The following VWC2L variants were observed in gnomAD, a reference collection of about 807,000 sequenced individuals.
The protein encoded by VWC2L is von Willebrand factor C domain containing 2 like, also known as von Willebrand factor C domain-containing protein 2-like.
In VWC2L, 10 loss-of-function variants were observed where a neutral mutation model predicts 21.6. The ratio of observed to expected loss-of-function variants is 0.46; its 90% confidence interval spans 0.29 to 0.78. The LOEUF (loss-of-function observed/expected upper bound fraction) is 0.78, where lower values mean the gene tolerates loss of function less well. VWC2L is among the 30% of genes least tolerant of loss of function. The pLI, the probability that VWC2L is intolerant of heterozygous loss-of-function variation, is 0.10. For missense variants in VWC2L, 209 were observed against 277.1 expected (o/e 0.75, Z 1.74); for synonymous variants, 96 against 94.3 (o/e 1.02, Z -0.10).
At position 214,520,942 on chromosome 2, in the gene VWC2L, G is replaced by T. The variant is rs11682493; in HGVS notation, c.521-54730G>T. ...GATTATTCAAAAGCTACCAAGTTTG[G>T]ACTGGGTGCAGTGGCTCACACCTGT... On this transcript the variant is annotated intron_variant, in intron 3 of 3. Transcript: ENST00000312504. Among the ~76,000 whole-genome samples the T allele has an allele frequency of 7.5e-3, 1,144 of 151,986 alleles. 9 individuals are homozygous for T. Among genetic ancestry groups the T allele is most frequent in the Non-Finnish European group, 0.011 (738 of 67,996 alleles).
At chr2:214,458,252 T>A (rs546045789) in intron 3 of VWC2L, among the ~76,000 whole-genome samples, 1 of 152,232 alleles carries the variant, frequency 6.6e-6, no homozygotes, top group South Asian at 2.1e-4. Context: ...TTGGTCATCT[T>A]TTTTATTTCT....
chr2:214,490,704 C>A (rs1688734012), intron 3 of VWC2L, among the ~76,000 whole-genome samples: 1 of 151,952 alleles, frequency 6.6e-6, no homozygotes, highest in Non-Finnish European at 1.5e-5. Flanking sequence ...AGTAAACCTG[C>A]AAATAAGTTT....
At chr2:214,506,565 CAT>C (rs1451759872) in intron 3 of VWC2L, among the ~76,000 whole-genome samples, 21 of 152,262 alleles carry the variant, frequency 1.4e-4, no homozygotes, top group Middle Eastern at 6.8e-3. Context: ...GAAATCATCA[CAT>C]GTTTTGACTC....
At chr2:214,531,403 CCTT>C (rs1266569772) in intron 3 of VWC2L, among the ~76,000 whole-genome samples, 2 of 152,138 alleles carry the variant, frequency 1.3e-5, no homozygotes, top group Non-Finnish European at 2.9e-5. Context: ...GTACAGGAGT[CCTT>C]CTTCCAAATG....
rs1255144552 is a variant in VWC2L, at chr2:214,576,812, G to A, written c.*992G>A. Reference sequence around the variant, plus strand: ...TACACACTGGCAGTTTTTGTGGTTCGGGACTGTGTTTGCCATGTTGTAGTA... The same window carrying A: ...TACACACTGGCAGTTTTTGTGGTTCAGGACTGTGTTTGCCATGTTGTAGTA... On this transcript the variant is annotated 3_prime_UTR_variant, in exon 4 of 4. Coordinates refer to ENST00000312504, the MANE Select transcript of VWC2L (RefSeq NM_001080500.4). 6 of 152,054 alleles carry A rather than the reference G, an allele frequency of 3.9e-5. No homozygotes were observed. The highest frequency in any genetic ancestry group is 2.1e-4 in the South Asian group (1 of 4,820). The allele number at this position is 152,054 out of a possible 1,614,324, so 9.4% of individuals were successfully genotyped here. A position where few individuals can be genotyped will look rare whatever the true frequency, so the allele number is the denominator to read the frequency against.
intron 3 of VWC2L, among the ~76,000 whole-genome samples, chr2:214,557,636 T>C (rs1689894069): frequency 6.6e-6 from 1 of 152,186 alleles, no homozygotes; most frequent in South Asian, 2.1e-4. Context: ...CCAGTGACTG[T>C]CTCAACCATT....
chr2:214,422,939 C>CA (rs1702465349), intron 2 of VWC2L, among the ~76,000 whole-genome samples: 1 of 152,092 alleles, frequency 6.6e-6, no homozygotes, highest in Admixed American at 6.5e-5. Flanking sequence ...GAACAAAACT[C>CA]AAATACGTTT....
intron 3 of VWC2L, among the ~76,000 whole-genome samples, chr2:214,469,628 G>A (rs186445212): frequency 2.4e-4 from 36 of 152,138 alleles, no homozygotes; most frequent in Admixed American, 1.2e-3. Flanking sequence ...CTATGTATGA[G>A]AAGATTAAAA....
intron 3 of VWC2L, among the ~76,000 whole-genome samples, chr2:214,489,349 A>G (rs1688715292): frequency 1.3e-5 from 2 of 152,228 alleles, no homozygotes; most frequent in Admixed American, 1.3e-4. Context: ...TTAAAAGTCT[A>G]TAGCAGAAGA....
chr2:214,512,276 T>G (rs1689068130), intron 3 of VWC2L, among the ~76,000 whole-genome samples: 1 of 152,138 alleles, frequency 6.6e-6, no homozygotes, highest in Non-Finnish European at 1.5e-5. Context: ...TATCATGAGG[T>G]GATCAGAATC....
At chr2:214,417,539 G>A (rs1202256613) in intron 2 of VWC2L, among the ~76,000 whole-genome samples, 3 of 152,120 alleles carry the variant, frequency 2.0e-5, no homozygotes, top group South Asian at 2.1e-4. Flanking sequence ...GATCTGGGAA[G>A]ACTGAAATTC....
At chr2:214,492,236 GA>G (rs1487346594) in intron 3 of VWC2L, among the ~76,000 whole-genome samples, 1 of 152,212 alleles carries the variant, frequency 6.6e-6, no homozygotes, top group African/African-American at 2.4e-5. Context: ...AAGCCTCCCA[GA>G]AGCAAGAGGG....
intron 3 of VWC2L, among the ~76,000 whole-genome samples, chr2:214,554,739 T>C (rs937142611): frequency 6.6e-6 from 1 of 151,956 alleles, no homozygotes; most frequent in Admixed American, 6.6e-5. Flanking sequence ...AAAAGAGAAA[T>C]CTTAAGACTG....
intron 3 of VWC2L, among the ~76,000 whole-genome samples, chr2:214,472,617 A>T (rs1265135573): frequency 6.6e-6 from 1 of 152,208 alleles, no homozygotes; most frequent in African/African-American, 2.4e-5. Flanking sequence ...GCATTACCCA[A>T]TGTCAGGCAA....
At chr2:214,537,784 TA>T (rs1299299959) in intron 3 of VWC2L, among the ~76,000 whole-genome samples, 1 of 152,096 alleles carries the variant, frequency 6.6e-6, no homozygotes, top group Admixed American at 6.6e-5. Flanking sequence ...AGGCCTTTTT[TA>T]TTTGTTCATA....
At chr2:214,505,486 T>A (rs1688955171) in intron 3 of VWC2L, among the ~76,000 whole-genome samples, 1 of 152,172 alleles carries the variant, frequency 6.6e-6, no homozygotes, top group African/African-American at 2.4e-5. Context: ...CTTGTTTTTT[T>A]CCTTTTTTTT....
chr2:214,573,824 AT>A (rs1194793207), intron 3 of VWC2L, among the ~76,000 whole-genome samples: 2 of 152,178 alleles, frequency 1.3e-5, no homozygotes, highest in Non-Finnish European at 2.9e-5. Flanking sequence ...AGCAATAAGG[AT>A]GGCCAGTGGC....
intron 2 of VWC2L, among the ~76,000 whole-genome samples, chr2:214,428,022 A>T (rs1702550915): frequency 6.6e-6 from 1 of 152,204 alleles, no homozygotes; most frequent in Admixed American, 6.5e-5. Context: ...AATAATTCAC[A>T]ATGAATATCA....
intron 3 of VWC2L, among the ~76,000 whole-genome samples, chr2:214,559,542 A>G (rs1689930729): frequency 6.6e-6 from 1 of 151,814 alleles, no homozygotes; most frequent in African/African-American, 2.4e-5. Context: ...TTGGACTTCT[A>G]CACTAGATTA....
Sources: gnomAD v4.1 joint callset for allele counts (sites outside exome capture counted in the v4.1 genomes callset) on GRCh38, gnomAD v4.1.1 for gene constraint, MANE v1.5 for transcripts, NCBI Gene and HGNC (gene_info 2026-07-23, HGNC 2026-07-21) for gene names.